SSBP3: variants seen among roughly 807,000 people sequenced by gnomAD.
The protein encoded by SSBP3 is single stranded DNA binding protein 3.
In SSBP3, 5 loss-of-function variants were observed where a neutral mutation model predicts 69.6. The observed-to-expected ratio is 0.07, with a 90% confidence interval of 0.04 to 0.15. The LOEUF is 0.15. Among genes scored for constraint, SSBP3 ranks in the 10% least tolerant of loss-of-function variants. The probability of loss-of-function intolerance (pLI) is 1.00; values close to 1 mark genes in which losing one functional copy is unlikely to be tolerated. For missense variants in SSBP3, 312 were observed against 534.0 expected (o/e 0.58, Z 4.10); for synonymous variants, 196 against 193.4 (o/e 1.01, Z -0.11).
Position 54,276,608 on chromosome 1 carries a change from C to CAAAAAAA in SSBP3, c.366+4823_366+4829dup, listed in dbSNP as rs746933473. Among the ~76,000 whole-genome samples, 53 of 35,212 alleles carry CAAAAAAA rather than the reference C, an allele frequency of 1.5e-3. 2 individuals are homozygous for CAAAAAAA. Among genetic ancestry groups the CAAAAAAA allele is most frequent in the African/African-American group, 7.5e-3 (50 of 6,692 alleles). The allele number at this position is 35,212 out of a possible 152,430, so 23.1% of individuals were successfully genotyped here. ...TGGGTGACAGAGTGAGACTCTGTCTCAAAAAAAAAAAAAAAAAAAAAAAAA... is the reference window on the plus strand; with the variant it reads ...TGGGTGACAGAGTGAGACTCTGTCTCAAAAAAAAAAAAAAAAAAAAAAAAAAAAAAAA... On this transcript the variant is annotated intron_variant, in intron 5 of 17. Coordinates refer to ENST00000610401, the Ensembl canonical transcript of SSBP3.
chr1:54,368,189 T>G (rs1647058595), intron 4 of SSBP3, among the ~76,000 whole-genome samples: 1 of 148,536 alleles, frequency 6.7e-6, no homozygotes, highest in Admixed American at 6.9e-5. Flanking sequence ...TCCCAGCTAC[T>G]CAGGAGGCTG....
intron 4 of SSBP3, among the ~76,000 whole-genome samples, chr1:54,396,207 A>ACAAAAAAAAAAAC (rs1306959214): frequency 7.3e-5 from 11 of 150,074 alleles, no homozygotes; most frequent in African/African-American, 2.4e-4. Context: ...AAAAAAAAAA[A>ACAAAAAAAAAAAC]AAAAAAAAAA....
chr1:54,409,987 C>T (rs1046994093), upstream of SSBP3, among the ~76,000 whole-genome samples: 1 of 152,236 alleles, frequency 6.6e-6, no homozygotes, highest in Non-Finnish European at 1.5e-5. Context: ...CCAGATCCCC[C>T]CTCTGAACTC....
At chr1:54,227,326 G>T (rs1379975227) in intron 17 of SSBP3, among the ~76,000 whole-genome samples, 166 bp from the exon 18 acceptor site, 1 of 152,182 alleles carries the variant, frequency 6.6e-6, no homozygotes, top group East Asian at 1.9e-4. Flanking sequence ...CAGGGGGCCG[G>T]TAGGGCAGGA....
chr1:54,289,044 A>AAAAC (rs1405004500), intron 4 of SSBP3, among the ~76,000 whole-genome samples: 13 of 51,298 alleles, frequency 2.5e-4, no homozygotes, highest in East Asian at 2.0e-3. Flanking sequence ...AAACAAAAAA[A>AAAAC]CAAAAAAAAA....
At chr1:54,289,032 A>AAAC (rs1553132208) in intron 4 of SSBP3, among the ~76,000 whole-genome samples, 10 of 59,468 alleles carry the variant, frequency 1.7e-4, no homozygotes, top group East Asian at 4.5e-4. Flanking sequence ...AAAAAAAAAA[A>AAAC]AAAACAAAAA....
exon 1 of SSBP3, chr1:54,406,192 T>C (rs1649756230): frequency 2.1e-6 from 1 of 465,948 alleles, no homozygotes; most frequent in Non-Finnish European, 3.7e-6. Context: ...CCGCGCTCTT[T>C]CCAGCTGTCA....
At position 54,247,732 on chromosome 1, in the gene SSBP3, G is replaced by A. The variant is rs1466241359; in HGVS notation, c.651+3884C>T. Among the ~76,000 whole-genome samples the A allele has an allele frequency of 1.1e-4, 16 of 152,122 alleles. 1 individual carries two copies. Among genetic ancestry groups the A allele is most frequent in the Admixed American group, 1.0e-3 (16 of 15,270 alleles). ...GTGGCTCTCAGAATTGGCACCCCGGGGTCTGGGAGCCACCGCACTTCTGGT... is the reference window on the plus strand; with the variant it reads ...GTGGCTCTCAGAATTGGCACCCCGGAGTCTGGGAGCCACCGCACTTCTGGT... On this transcript the variant is annotated intron_variant, in intron 9 of 17. Transcript: ENST00000610401.
At chr1:54,317,736 G>A (rs1205310981) in intron 4 of SSBP3, among the ~76,000 whole-genome samples, 2 of 152,106 alleles carry the variant, frequency 1.3e-5, no homozygotes, top group African/African-American at 4.8e-5. Context: ...GGAAGACAGT[G>A]AGGTCATGTC....
intron 4 of SSBP3, among the ~76,000 whole-genome samples, chr1:54,388,314 A>G (rs757481984): frequency 1.3e-5 from 2 of 152,226 alleles, no homozygotes; most frequent in South Asian, 4.1e-4. Flanking sequence ...TAATGACTTC[A>G]TAACAACGGG....
intron 4 of SSBP3, among the ~76,000 whole-genome samples, chr1:54,295,277 T>A (rs565572963): frequency 6.6e-6 from 1 of 152,220 alleles, no homozygotes; most frequent in South Asian, 2.1e-4. Flanking sequence ...CCCTAACAGA[T>A]CAAGTCTCAG....
At chr1:54,328,550 G>A (rs1483529817) in intron 4 of SSBP3, among the ~76,000 whole-genome samples, 2 of 152,160 alleles carry the variant, frequency 1.3e-5, no homozygotes, top group African/African-American at 4.8e-5. Context: ...TCTCGCTCAG[G>A]CTCCATGCTG....
chr1:54,307,584 T>C (rs1396683385), intron 4 of SSBP3, among the ~76,000 whole-genome samples: 2 of 152,108 alleles, frequency 1.3e-5, no homozygotes, highest in Non-Finnish European at 2.9e-5. Flanking sequence ...CTGGGTAAGA[T>C]GAGGCTGAAA....
chr1:54,301,341 A>G (rs1217615197), intron 4 of SSBP3, among the ~76,000 whole-genome samples: 1 of 152,194 alleles, frequency 6.6e-6, no homozygotes, highest in East Asian at 1.9e-4. Context: ...ACTTTGGTTC[A>G]ACAGCACAAG....
chr1:54,409,545 T>G (rs988776383), upstream of SSBP3, among the ~76,000 whole-genome samples: 1 of 151,880 alleles, frequency 6.6e-6, no homozygotes, highest in Non-Finnish European at 1.5e-5. Flanking sequence ...CCCAAAGTAC[T>G]GGGCCCAGTA....
intron 11 of SSBP3, 118 bp downstream of exon 11, chr1:54,242,046 C>T: frequency 8.3e-7 from 1 of 1,198,456 alleles, no homozygotes; most frequent in Non-Finnish European, 1.2e-6. Flanking sequence ...CTAGAAGCAT[C>T]AGGAGAGTCC....
At chr1:54,349,333 G>A (rs541100935) in intron 4 of SSBP3, among the ~76,000 whole-genome samples, 1 of 152,188 alleles carries the variant, frequency 6.6e-6, no homozygotes, top group East Asian at 1.9e-4. Flanking sequence ...GCGGTGCCTG[G>A]CACACAGTAG....
intron 7 of SSBP3, among the ~76,000 whole-genome samples, chr1:54,256,102 C>A (rs1246709615): frequency 6.6e-6 from 1 of 151,840 alleles, no homozygotes; most frequent in African/African-American, 2.4e-5. Flanking sequence ...AATTGGAGAC[C>A]CCTGGTAATG....
intron 4 of SSBP3, among the ~76,000 whole-genome samples, chr1:54,302,414 T>C (rs189110330): frequency 3.4e-4 from 52 of 151,782 alleles, no homozygotes; most frequent in African/African-American, 1.2e-3. Context: ...CCGGTTCAAG[T>C]GATTCTCCTG....
Sources: allele counts gnomAD v4.1 joint callset (sites outside exome capture counted in the v4.1 genomes callset), GRCh38; gene constraint gnomAD v4.1.1; transcripts MANE v1.5; gene names NCBI Gene and HGNC (gene_info 2026-07-23, HGNC 2026-07-21).